KCNIP4: variants seen among roughly 807,000 people sequenced by gnomAD.
The protein encoded by KCNIP4 is Kv channel-interacting protein 4.
KCNIP4 carries 12 observed loss-of-function variants against 34.0 expected under a neutral mutation model. The ratio of observed to expected loss-of-function variants is 0.35; its 90% CI spans 0.23 to 0.57. The LOEUF is 0.57. Ranked by LOEUF, KCNIP4 falls within the 20% of genes least tolerant of loss-of-function variation. The pLI is 0.83. For missense variants in KCNIP4, 238 were observed against 311.7 expected (o/e 0.76, Z 1.78); for synonymous variants, 124 against 102.2 (o/e 1.21, Z -1.29).
intron 3 of KCNIP4, among the ~76,000 whole-genome samples, chr4:20,826,146 G>A (rs1021841041): frequency 3.9e-5 from 6 of 152,162 alleles, no homozygotes; most frequent in African/African-American, 1.2e-4. Flanking sequence ...GAGGAGAAGA[G>A]GAGAATGGCA....
intron 1 of KCNIP4, among the ~76,000 whole-genome samples, chr4:20,941,177 C>G (rs1207292926): frequency 6.6e-6 from 1 of 152,188 alleles, no homozygotes; most frequent in Non-Finnish European, 1.5e-5. Context: ...TATTTGCATG[C>G]TCTCTAATTT....
At position 21,427,004 on chromosome 4, in the gene KCNIP4, C is replaced by A. The variant is rs983551354; in HGVS notation, c.61+521567G>T. 2.6e-5 allele frequency among the ~76,000 whole-genome samples: 4 copies of A among 151,736 alleles called. No individual in the cohort carries two copies. In the East Asian group the frequency reaches 5.8e-4, roughly 22 times the overall value. On this transcript the variant is annotated intron_variant, in intron 1 of 8. Coordinates refer to ENST00000382152, the MANE Select transcript of KCNIP4 (RefSeq NM_025221.6). ...TGACTTTTCTGTTCTCACAAATGCACCCCAACTCAGTCTCAGGGCAAGACC... is the reference window on the plus strand; with the variant it reads ...TGACTTTTCTGTTCTCACAAATGCAACCCAACTCAGTCTCAGGGCAAGACC...
intron 1 of KCNIP4, among the ~76,000 whole-genome samples, chr4:21,444,579 T>C (rs1424262697): frequency 1.3e-5 from 2 of 152,196 alleles, no homozygotes; most frequent in Non-Finnish European, 2.9e-5. Context: ...TCAACAGCAC[T>C]TCATGCTAAA....
chr4:21,019,423 G>A (rs1231778443), intron 1 of KCNIP4, among the ~76,000 whole-genome samples: 1 of 152,156 alleles, frequency 6.6e-6, no homozygotes, highest in African/African-American at 2.4e-5. Flanking sequence ...CTCGCAAAGT[G>A]CTGGGATTAC....
chr4:21,804,600 T>C (rs1010413008), intron 1 of KCNIP4, among the ~76,000 whole-genome samples: 1 of 152,196 alleles, frequency 6.6e-6, no homozygotes, highest in African/African-American at 2.4e-5. Context: ...GGGGATAACA[T>C]TTCACCTGCT....
At position 21,291,871 on chromosome 4, in the gene KCNIP4, GAAAGAAAGAAA is replaced by G. The variant is rs1560259876; in HGVS notation, c.62-409173_62-409163del. Reference sequence around the variant, plus strand: ...TCCGCCTCAAAAAAAAAAAAAAAAAGAAAGAAAGAAAGAAAGAAAGAAAGAAAGAAAGAAAG... The same window carrying G: ...TCCGCCTCAAAAAAAAAAAAAAAAAGGAAAGAAAGAAAGAAAGAAAGAAAG... On this transcript the variant is annotated intron_variant, in intron 1 of 8. Transcript: ENST00000382152. Among the ~76,000 whole-genome samples the G allele has an allele frequency of 6.4e-4, 6 of 9,354 alleles. 1 individual carries two copies. Among genetic ancestry groups the G allele is most frequent in the African/African-American group, 3.3e-3 (6 of 1,810 alleles). The allele number at this position is 9,354 out of a possible 152,430, so 6.1% of individuals were successfully genotyped here.
chr4:21,861,660 A>AAC (rs1416633986), intron 1 of KCNIP4, among the ~76,000 whole-genome samples: 1 of 151,036 alleles, frequency 6.6e-6, no homozygotes, highest in Non-Finnish European at 1.5e-5. Context: ...CCGTCTCAAA[A>AAC]AAAAAAAAAA....
intron 1 of KCNIP4, among the ~76,000 whole-genome samples, chr4:21,894,230 G>C (rs947809996): frequency 1.3e-5 from 2 of 152,026 alleles, no homozygotes; most frequent in African/African-American, 4.8e-5. Context: ...AAGACACTTG[G>C]GAAGCTGAGG....
chr4:21,727,923 A>G (rs1189770607), intron 1 of KCNIP4, among the ~76,000 whole-genome samples: 2 of 152,162 alleles, frequency 1.3e-5, no homozygotes, highest in Non-Finnish European at 2.9e-5. Context: ...ACAAGCCACG[A>G]CCTAAAATGC....
At chr4:20,770,327 G>A (rs975350109) in intron 3 of KCNIP4, among the ~76,000 whole-genome samples, 1 of 152,168 alleles carries the variant, frequency 6.6e-6, no homozygotes, top group Non-Finnish European at 1.5e-5. Flanking sequence ...TATTTTTTAT[G>A]AGTGCTAAGA....
At chr4:20,954,132 AAC>A (rs931106309) in intron 1 of KCNIP4, among the ~76,000 whole-genome samples, 6 of 152,202 alleles carry the variant, frequency 3.9e-5, no homozygotes, top group Non-Finnish European at 7.3e-5. Context: ...ACCTCAAGTG[AAC>A]ACAAGAGCTC....
intron 3 of KCNIP4, among the ~76,000 whole-genome samples, chr4:20,825,354 A>G (rs150424367): frequency 9.3e-5 from 14 of 151,060 alleles, no homozygotes; most frequent in African/African-American, 2.4e-4. Context: ...TGTAGGCATG[A>G]GTTATGGCAT....
At chr4:21,526,413 CTCTT>C (rs1735979717) in intron 1 of KCNIP4, among the ~76,000 whole-genome samples, 2 of 152,038 alleles carry the variant, frequency 1.3e-5, no homozygotes, top group Admixed American at 1.3e-4. Context: ...TCCATTAAAC[CTCTT>C]TCTTTATAAA....
intron 1 of KCNIP4, among the ~76,000 whole-genome samples, chr4:21,577,767 C>T (rs1305824482): frequency 6.6e-6 from 1 of 152,162 alleles, no homozygotes; most frequent in Non-Finnish European, 1.5e-5. Flanking sequence ...ACCTAGTTAG[C>T]TCCTTCCTCT....
intron 1 of KCNIP4, among the ~76,000 whole-genome samples, chr4:21,357,450 G>A (rs1385727748): frequency 6.6e-6 from 1 of 152,184 alleles, no homozygotes; most frequent in Non-Finnish European, 1.5e-5. Context: ...AATTTACAAA[G>A]AGAACTTAAA....
At chr4:20,952,185 T>G (rs917780418) in intron 1 of KCNIP4, among the ~76,000 whole-genome samples, 1 of 152,138 alleles carries the variant, frequency 6.6e-6, no homozygotes, top group Non-Finnish European at 1.5e-5. Flanking sequence ...GTACAAGAGA[T>G]TGATATAATA....
intron 1 of KCNIP4, among the ~76,000 whole-genome samples, chr4:21,794,212 T>C (rs944118601): frequency 6.6e-6 from 1 of 152,104 alleles, no homozygotes; most frequent in African/African-American, 2.4e-5. Context: ...ACATGGCATA[T>C]GCATACTTAG....
chr4:21,300,786 G>A lies in KCNIP4; in HGVS notation c.62-418077C>T, dbSNP rs573712976. 4.3e-4 allele frequency among the ~76,000 whole-genome samples: 66 copies of A among 152,110 alleles called. 1 individual carries two copies. The South Asian group carries it at 0.012, about 27-fold the overall frequency. ...CTGTATATCAATTCCAAAATAGGCC[G>A]CTGATATCTATTTTATGGTAAATGA... On this transcript the variant is annotated intron_variant, in intron 1 of 8. Transcript: ENST00000382152.
intron 2 of KCNIP4, among the ~76,000 whole-genome samples, chr4:20,872,860 T>G (rs1461858567): frequency 6.6e-6 from 1 of 152,126 alleles, no homozygotes; most frequent in Non-Finnish European, 1.5e-5. Flanking sequence ...AATCAAAAAC[T>G]AAGCTTGTTT....
Sources: allele counts gnomAD v4.1 joint callset (sites outside exome capture counted in the v4.1 genomes callset), GRCh38; gene constraint gnomAD v4.1.1; transcripts MANE v1.5; gene names NCBI Gene and HGNC (gene_info 2026-07-23, HGNC 2026-07-21).